Variants in SGCD observed in about 807,000 individuals in gnomAD.
The protein encoded by SGCD is sarcoglycan delta, also known as delta-sarcoglycan.
A neutral mutation model predicts 36.6 loss-of-function variants in SGCD; 18 were observed. The observed-to-expected ratio is 0.49, with a 90% confidence interval of 0.34 to 0.73. The LOEUF (loss-of-function observed/expected upper bound fraction) is 0.73, where lower values mean the gene tolerates loss of function less well. Among genes scored for constraint, SGCD ranks in the 30% least tolerant of loss-of-function variants. The probability of loss-of-function intolerance (pLI) is 0.01; values close to 1 mark genes in which losing one functional copy is unlikely to be tolerated. For synonymous variants in SGCD, 133 were observed against 130.6 expected (o/e 1.02, Z -0.12); for missense variants, 387 against 346.7 (o/e 1.12, Z -0.92).
intron 6 of SGCD, among the ~76,000 whole-genome samples, chr5:156,627,724 T>C (rs1247736025): frequency 6.6e-6 from 1 of 152,174 alleles, no homozygotes; most frequent in Non-Finnish European, 1.5e-5. Context: ...AGAGCCTGGA[T>C]ATTAGAATAT....
intron 1 of SGCD, among the ~76,000 whole-genome samples, chr5:156,055,402 G>A (rs1002576264): frequency 6.9e-6 from 1 of 145,890 alleles, no homozygotes; most frequent in South Asian, 2.2e-4. Flanking sequence ...GTCCCCAGAT[G>A]ATTATTCTGT....
intron 4 of SGCD, among the ~76,000 whole-genome samples, chr5:156,539,384 A>G (rs1303494666): frequency 6.6e-6 from 1 of 151,870 alleles, no homozygotes; most frequent in African/African-American, 2.4e-5. Context: ...ACAGTACCCA[A>G]TATGTAGTCT....
intron 3 of SGCD, among the ~76,000 whole-genome samples, chr5:156,383,202 T>A (rs947375079): frequency 1.3e-5 from 2 of 152,134 alleles, no homozygotes; most frequent in African/African-American, 4.8e-5. Context: ...GAAAGTTTGA[T>A]GCTTAGAAAT....
the SGCD span, among the ~76,000 whole-genome samples, chr5:155,858,086 G>A: frequency 4.6e-5 from 7 of 152,076 alleles, no homozygotes; most frequent in East Asian, 1.9e-4. Flanking sequence ...AATGTATAGC[G>A]CGTGTATATA....
At chr5:156,632,769 A>T (rs1420462696) in intron 6 of SGCD, among the ~76,000 whole-genome samples, 1 of 152,216 alleles carries the variant, frequency 6.6e-6, no homozygotes, top group African/African-American at 2.4e-5. Context: ...CCCTTCAAAG[A>T]GGCCAAGCTC....
At chr5:156,104,314 A>G (rs1373912908) in intron 1 of SGCD, among the ~76,000 whole-genome samples, 1 of 152,186 alleles carries the variant, frequency 6.6e-6, no homozygotes, top group Non-Finnish European at 1.5e-5. Flanking sequence ...TTTGCATAAT[A>G]TTTGATAATT....
chr5:156,706,290 G>A (rs1452165349), intron 7 of SGCD, among the ~76,000 whole-genome samples: 6 of 152,074 alleles, frequency 3.9e-5, no homozygotes, highest in Non-Finnish European at 7.4e-5. Flanking sequence ...CTCAATTACA[G>A]TGGGATTACT....
chr5:155,832,427 T>C, the SGCD span, among the ~76,000 whole-genome samples: 1 of 152,200 alleles, frequency 6.6e-6, no homozygotes. Flanking sequence ...TGTCTCTATG[T>C]CTTTGTACTT....
the SGCD span, among the ~76,000 whole-genome samples, chr5:155,772,962 C>T: frequency 6.6e-6 from 1 of 152,074 alleles, no homozygotes; most frequent in African/African-American, 2.4e-5. Flanking sequence ...CTCTTACCCA[C>T]CAGGAGGTTA....
intron 7 of SGCD, among the ~76,000 whole-genome samples, chr5:156,704,799 A>T (rs1020328041): frequency 6.6e-6 from 1 of 151,974 alleles, no homozygotes; most frequent in Non-Finnish European, 1.5e-5. Context: ...ATTTTCCCTC[A>T]TTTTATTATT....
intron 1 of SGCD, among the ~76,000 whole-genome samples, chr5:155,963,831 G>A (rs569797009): frequency 6.6e-6 from 1 of 151,748 alleles, no homozygotes; most frequent in Admixed American, 6.6e-5. Flanking sequence ...ATCTTTTTTT[G>A]TATTAAAAAT....
the SGCD span, among the ~76,000 whole-genome samples, chr5:155,791,351 C>G: frequency 1.3e-5 from 2 of 152,004 alleles, no homozygotes; most frequent in Non-Finnish European, 2.9e-5. Context: ...AGAACTGAAA[C>G]AAAACAAGGA....
intron 3 of SGCD, among the ~76,000 whole-genome samples, chr5:156,463,680 T>C (rs1281833912): frequency 6.6e-6 from 1 of 152,126 alleles, no homozygotes; most frequent in East Asian, 1.9e-4. Context: ...CTTACTTCAC[T>C]CCAGATGGGT....
intron 3 of SGCD, among the ~76,000 whole-genome samples, chr5:156,174,886 A>C (rs937982410): frequency 3.3e-5 from 5 of 152,236 alleles, no homozygotes; most frequent in Admixed American, 3.3e-4. Context: ...TAAGTTATAC[A>C]TTCTTACAGA....
At chr5:156,286,275 AG>A (rs1450526505) in intron 3 of SGCD, among the ~76,000 whole-genome samples, 1 of 152,198 alleles carries the variant, frequency 6.6e-6, no homozygotes, top group East Asian at 1.9e-4. Flanking sequence ...GCGATTCCTC[AG>A]GGATCTAGAA....
At chr5:156,074,662 A>G (rs1031906562) in intron 1 of SGCD, among the ~76,000 whole-genome samples, 7 of 152,224 alleles carry the variant, frequency 4.6e-5, no homozygotes, top group African/African-American at 9.6e-5. Context: ...CCCGGGCAAG[A>G]AAGCGAGAAT....
chr5:155,934,023 T>C (rs1757148497), intron 1 of SGCD, among the ~76,000 whole-genome samples: 1 of 152,166 alleles, frequency 6.6e-6, no homozygotes, highest in Non-Finnish European at 1.5e-5. Flanking sequence ...CATCTCCTAT[T>C]GTTTTCTGTC....
intron 3 of SGCD, among the ~76,000 whole-genome samples, chr5:156,287,342 C>T (rs1380101779): frequency 6.6e-6 from 1 of 151,968 alleles, no homozygotes; most frequent in Admixed American, 6.6e-5. Flanking sequence ...TTTTGGGATT[C>T]ACTGAGAAAT....
chr5:156,314,204 T>C (rs924137698), intron 3 of SGCD, among the ~76,000 whole-genome samples: 2 of 152,000 alleles, frequency 1.3e-5, no homozygotes. Flanking sequence ...TTTATTCCAG[T>C]TGAACGTTAA....
Sources: allele counts gnomAD v4.1 joint callset (sites outside exome capture counted in the v4.1 genomes callset), GRCh38; gene constraint gnomAD v4.1.1; transcripts MANE v1.5; gene names NCBI Gene and HGNC (gene_info 2026-07-23, HGNC 2026-07-21).